The following SHQ1 variants were observed in gnomAD, a reference collection of about 807,000 sequenced individuals.
SHQ1 encodes the protein SHQ1, H/ACA ribonucleoprotein assembly factor.
SHQ1 carries 49 observed loss-of-function variants against 53.8 expected under a neutral mutation model. The ratio of observed to expected loss-of-function variants is 0.91; its 90% CI spans 0.72 to 1.16. The LOEUF (loss-of-function observed/expected upper bound fraction) is 1.16. SHQ1 is among the 50% of genes most tolerant of loss of function. The pLI is 0.00. For missense variants in SHQ1, 738 were observed against 683.1 expected (o/e 1.08, Z -0.90); for synonymous variants, 243 against 251.0 (o/e 0.97, Z 0.30).
Position 72,750,544 on chromosome 3 carries a change from G to A in SHQ1, c.1474C>T (p.Gln492Ter). ...CTGCTTTCTTCAAGAAAGGGACCTTGCAAAGAACTGACTGTCTCAGATGGA... is the reference window on the plus strand; with the variant it reads ...CTGCTTTCTTCAAGAAAGGGACCTTACAAAGAACTGACTGTCTCAGATGGA... ...DSPSETVSSL[Q>*]GPFLEESSAF... Residue 492 changes from glutamine to a stop codon, truncating the protein, a stop_gained, in exon 11 of 11, where the codon CAA becomes TAA. Transcript: ENST00000325599. LOFTEE classifies it low-confidence loss of function (END_TRUNC). The A allele has an allele frequency of 1.2e-6, 2 of 1,614,186 alleles. No homozygotes were observed. The highest frequency in any genetic ancestry group is 8.5e-7 in the Non-Finnish European group (1 of 1,180,022).
At chr3:72,746,185 C>A (rs543966127), downstream of SHQ1, among the ~76,000 whole-genome samples, 1 of 152,144 alleles carries the variant, frequency 6.6e-6, no homozygotes, top group Non-Finnish European at 1.5e-5. Flanking sequence ...GGAGTCCCCC[C>A]CTCGTGAGCC....
At chr3:72,788,491 C>T (rs906385042) in intron 10 of SHQ1, among the ~76,000 whole-genome samples, 7 of 148,638 alleles carry the variant, frequency 4.7e-5, no homozygotes, top group African/African-American at 1.5e-4. Context: ...CCGCCGCGTC[C>T]GGGAGGTAGG....
chr3:72,790,586 A>C (rs1270108894), intron 10 of SHQ1, among the ~76,000 whole-genome samples: 1 of 152,214 alleles, frequency 6.6e-6, no homozygotes, highest in Non-Finnish European at 1.5e-5. Flanking sequence ...AAAATCATGG[A>C]TCTACACTGC....
intron 4 of SHQ1, among the ~76,000 whole-genome samples, chr3:72,840,061 G>A (rs558830866): frequency 6.6e-6 from 1 of 151,838 alleles, no homozygotes; most frequent in South Asian, 2.1e-4. Flanking sequence ...CGGCTAATTT[G>A]GCCAACATGG....
rs569903150 is a variant in SHQ1, at chr3:72,827,856, G to A, written c.600-3305C>T. 2.8e-3 allele frequency among the ~76,000 whole-genome samples: 410 copies of A among 149,050 alleles called. 3 individuals are homozygous for A. The highest frequency in any genetic ancestry group is 9.5e-3 in the African/African-American group (385 of 40,354). Reference sequence around the variant, plus strand: ...TGCAAGCTCCGCCTCCTGGGTTCACGCCATTCTCCTGCCTCAGCCTCCCAA... The same window carrying A: ...TGCAAGCTCCGCCTCCTGGGTTCACACCATTCTCCTGCCTCAGCCTCCCAA... On this transcript the variant is annotated intron_variant, in intron 5 of 10. Transcript: ENST00000325599.
chr3:72,775,875 T>A (rs1462809756), intron 10 of SHQ1, among the ~76,000 whole-genome samples: 1 of 152,172 alleles, frequency 6.6e-6, no homozygotes, highest in African/African-American at 2.4e-5. Context: ...AAAATAAGAA[T>A]AACATGAATC....
chr3:72,840,891 GCACATC>G (rs1708159926), intron 4 of SHQ1, among the ~76,000 whole-genome samples, 148 bp downstream of exon 4: 1 of 152,176 alleles, frequency 6.6e-6, no homozygotes, highest in Admixed American at 6.5e-5. Context: ...GGAAGGGAAT[GCACATC>G]TATGTACTTT....
the SHQ1 span, among the ~76,000 whole-genome samples, chr3:72,738,392 C>T: frequency 6.6e-6 from 1 of 152,180 alleles, no homozygotes; most frequent in African/African-American, 2.4e-5. Flanking sequence ...TTTTGATCGT[C>T]TTCTCTGTTC....
chr3:72,725,290 T>C, the SHQ1 span, among the ~76,000 whole-genome samples: 18 of 152,294 alleles, frequency 1.2e-4, no homozygotes, highest in African/African-American at 4.3e-4. Flanking sequence ...ACTCAGGCTT[T>C]ATTCAGCCTC....
intron 8 of SHQ1, among the ~76,000 whole-genome samples, chr3:72,815,078 A>G (rs1319209798): frequency 6.6e-6 from 1 of 152,242 alleles, no homozygotes; most frequent in Middle Eastern, 3.4e-3. Context: ...ATGCCAACTT[A>G]CAAACACACC....
chr3:72,744,296 A>C (rs1705218619), downstream of SHQ1, among the ~76,000 whole-genome samples: 1 of 152,236 alleles, frequency 6.6e-6, no homozygotes, highest in African/African-American at 2.4e-5. Flanking sequence ...ACCACTATGA[A>C]CACTTAAAAT....
intron 10 of SHQ1, among the ~76,000 whole-genome samples, chr3:72,770,979 A>G (rs114760068): frequency 0.037 from 5,572 of 152,302 alleles, 309 homozygotes; most frequent in African/African-American, 0.11. Context: ...AATCTCCTGT[A>G]GTCTCTTTAT....
intron 2 of SHQ1, among the ~76,000 whole-genome samples, chr3:72,842,842 G>A (rs1431343899): frequency 1.3e-5 from 2 of 151,818 alleles, no homozygotes; most frequent in Non-Finnish European, 2.9e-5. Context: ...TCGGGAGGCC[G>A]AGGCAGGCGG....
Position 72,815,379 on chromosome 3 carries a change from T to G in SHQ1, c.907A>C (p.Lys303Gln), listed in dbSNP as rs1239846026. 6.2e-7 allele frequency: 1 copy of G among 1,613,554 alleles called. No homozygotes were observed. The highest frequency in any genetic ancestry group is 1.7e-5 in the Admixed American group (1 of 60,020). Residue 303 changes from lysine (K) to glutamine (Q), a missense_variant, in exon 8 of 11, where the codon AAA becomes CAA. Physicochemically the swap from Lys to Gln is moderately conservative, Grantham distance 53. Coordinates refer to ENST00000325599, the MANE Select transcript of SHQ1 (RefSeq NM_018130.3). Reference protein sequence around the residue: ...KNVESAWNIRKLSPTLCWFET... With the variant: ...KNVESAWNIRQLSPTLCWFET... ...AACCAGCATAGTGTTGGACTCAGTT[T>G]CCTGATATTCCATGCAGATTCAACC... is the stretch of plus-strand genomic sequence containing the variant.
At chr3:72,782,232 G>A (rs540524332) in intron 10 of SHQ1, among the ~76,000 whole-genome samples, 16 of 152,138 alleles carry the variant, frequency 1.1e-4, no homozygotes, top group African/African-American at 3.9e-4. Context: ...ATCTAAAATT[G>A]GATCAGAAAT....
chr3:72,773,494 A>AAAAAAGAAAG, intron 10 of SHQ1: 1 of 263,580 alleles, frequency 3.8e-6, no homozygotes, highest in Middle Eastern at 1.4e-3. Context: ...AAAAAAAAAA[A>AAAAAAGAAAG]AAAGAAAAAA....
Position 72,750,366 on chromosome 3 carries a change from T to C in SHQ1, c.1652A>G (p.Gln551Arg). The change falls in exon 11 of 11, where the codon CAG becomes CGG. Residue 551 changes from glutamine (Q) to arginine (R), a missense_variant. Gln to Arg is a conservative substitution (Grantham distance 43). Transcript: ENST00000325599. ...ELGEQLKTTV[Q>R]VSEPKGTTAV... ...AGTGGTGCCCTTGGGTTCAGAAACC[T>C]GAACTGTAGTCTTCAGTTGTTCCCC... 10 of 1,614,202 alleles carry C rather than the reference T, an allele frequency of 6.2e-6. No homozygotes were observed. Among genetic ancestry groups the C allele is most frequent in the Non-Finnish European group, 8.5e-6 (10 of 1,180,026 alleles).
chr3:72,768,627 T>C (rs1705783447), intron 10 of SHQ1, among the ~76,000 whole-genome samples: 1 of 152,074 alleles, frequency 6.6e-6, no homozygotes, highest in South Asian at 2.1e-4. Flanking sequence ...TTAGTACGTG[T>C]CCAAAGAAGA....
chr3:72,771,948 C>T (rs187746491), intron 10 of SHQ1, among the ~76,000 whole-genome samples: 6 of 152,178 alleles, frequency 3.9e-5, no homozygotes, highest in East Asian at 1.9e-4. Flanking sequence ...AGTGAATTTG[C>T]GGGTATCAGA....
Sources: allele counts gnomAD v4.1 joint callset (sites outside exome capture counted in the v4.1 genomes callset), GRCh38; gene constraint gnomAD v4.1.1; transcripts MANE v1.5; gene names NCBI Gene and HGNC (gene_info 2026-07-23, HGNC 2026-07-21).